The following SSX2IP variants were observed in gnomAD, a reference collection of about 807,000 sequenced individuals.
SSX2IP encodes SSX family member 2 interacting protein, also known as afadin- and alpha-actinin-binding protein.
Under a neutral mutation model 84.9 loss-of-function variants are expected in SSX2IP, and 55 were observed. The observed-to-expected ratio is 0.65, with a 90% CI of 0.52 to 0.81. SSX2IP has a LOEUF of 0.81. Among genes scored for constraint, SSX2IP ranks in the 30% least tolerant of loss-of-function variants. SSX2IP has a pLI of 0.00. For synonymous variants in SSX2IP, 239 were observed against 234.7 expected (o/e 1.02, Z -0.17); for missense variants, 664 against 705.2 (o/e 0.94, Z 0.66).
At position 84,664,427 on chromosome 1, in the gene SSX2IP, A is replaced by G; in HGVS notation, c.663T>C (p.Asp221=). 1 of 1,579,180 alleles carries G rather than the reference A, an allele frequency of 6.3e-7. No individual in the cohort carries two copies. The highest frequency in any genetic ancestry group is 8.6e-7 in the Non-Finnish European group (1 of 1,168,600). The change falls in exon 6 of 14, where the codon GAT becomes GAC. Residue 221 remains aspartate, a synonymous_variant. Transcript: ENST00000342203. ...TTGCCAGCTGTTTACCTATTTTCTT[A>G]TCTTTCTTGTTCATAACAAGTTGAT... ...RLHQLVMNKK[D]KKIAMDILNY... is the part of the protein sequence containing the mutation.
At chr1:84,667,652 C>G (rs1652952510) in intron 4 of SSX2IP, among the ~76,000 whole-genome samples, 1 of 152,118 alleles carries the variant, frequency 6.6e-6, no homozygotes, top group African/African-American at 2.4e-5. Flanking sequence ...CCTCATACCA[C>G]TCTTCATACC....
At position 84,650,063 on chromosome 1, in the gene SSX2IP, C is replaced by G. The variant is rs1411433033; in HGVS notation, c.1670+299G>C. On this transcript the variant is annotated intron_variant, in intron 13 of 13. Coordinates refer to ENST00000342203, the MANE Select transcript of SSX2IP (RefSeq NM_001166293.2). ...ACAATTAAAGTGCTTAAAATATTAA[C>G]TCCTATAATTAAGACTACATTCTAA... is the stretch of plus-strand genomic sequence containing the variant. 8 of 637,356 alleles carry G rather than the reference C, an allele frequency of 1.3e-5. No homozygotes were observed. In the African/African-American group the frequency reaches 1.3e-4, roughly 10 times the overall value. The allele number at this position is 637,356 out of a possible 1,614,324, so 39.5% of individuals were successfully genotyped here.
rs1241039030 is a variant in SSX2IP, at chr1:84,643,807, G to A, written c.*3626C>T. On this transcript the variant is annotated 3_prime_UTR_variant, in exon 14 of 14. Coordinates refer to ENST00000342203, the MANE Select transcript of SSX2IP (RefSeq NM_001166293.2). The stretch of plus-strand genomic sequence containing the variant: ...TGAAGCTCAAATATATGAATGAGGT[G>A]GATCTTTATCAGGAGCTTCATATGT... 1 of 151,954 alleles carries A rather than the reference G, an allele frequency of 6.6e-6. No individual in the cohort carries two copies. Among genetic ancestry groups the A allele is most frequent in the Non-Finnish European group, 1.5e-5 (1 of 67,998 alleles). The allele number at this position is 151,954 out of a possible 1,614,324, so 9.4% of individuals were successfully genotyped here.
chr1:84,651,902 A>G lies in SSX2IP; in HGVS notation c.1485T>C (p.Leu495=), dbSNP rs1244058588. 2 of 1,613,286 alleles carry G rather than the reference A, an allele frequency of 1.2e-6. No individual in the cohort carries two copies. The highest frequency in any genetic ancestry group is 2.7e-5 in the African/African-American group (2 of 75,054). ...FDHQNSENVK[L]FSAFSGSSDW... ...ACTCACTTCCTGAGAAGGCACTGAA[A>G]AGTTTCACATTTTCTGAGTTCTGGT... The change falls in exon 12 of 14, where the codon CTT becomes CTC. Residue 495 remains leucine (L), a synonymous_variant. Coordinates refer to ENST00000342203, the MANE Select transcript of SSX2IP (RefSeq NM_001166293.2).
Position 84,652,359 on chromosome 1 carries a change from G to A in SSX2IP, c.1390-362C>T, listed in dbSNP as rs559811619. Reference sequence around the variant, plus strand: ...GATGGCTAGAGGCTGGGAAGTTGACGCTGAAGTGAGCCGAGATAGCACCAC... The same window carrying A: ...GATGGCTAGAGGCTGGGAAGTTGACACTGAAGTGAGCCGAGATAGCACCAC... On this transcript the variant is annotated intron_variant, in intron 11 of 13. Transcript: ENST00000342203. 8.5e-5 allele frequency: 14 copies of A among 165,268 alleles called. No individual in the cohort carries two copies. The South Asian group carries it at 1.6e-3, about 19-fold the overall frequency. 10.2% of individuals were successfully genotyped at this position (165,268 alleles called of 1,614,324 possible).
At position 84,647,279 on chromosome 1, in the gene SSX2IP, G is replaced by T. The variant is rs1275437217; in HGVS notation, c.*154C>A. 1.3e-5 allele frequency: 7 copies of T among 558,280 alleles called. No individual in the cohort carries two copies. The highest frequency in any genetic ancestry group is 7.2e-5 in the Admixed American group (2 of 27,918). 34.6% of individuals were successfully genotyped at this position (558,280 alleles called of 1,614,324 possible). A position where few individuals can be genotyped will look rare whatever the true frequency, so the allele number is the denominator to read the frequency against. ...TTTATATCCTTTTAAATAGATTTAA[G>T]ATTTCAACTCTTTGGGGGAAGACAG... On this transcript the variant is annotated 3_prime_UTR_variant, in exon 14 of 14. Coordinates refer to ENST00000342203, the MANE Select transcript of SSX2IP (RefSeq NM_001166293.2).
chr1:84,685,880 T>TA (rs1412568441), intron 1 of SSX2IP, among the ~76,000 whole-genome samples: 1 of 152,174 alleles, frequency 6.6e-6, no homozygotes, highest in African/African-American at 2.4e-5. Flanking sequence ...GAGAATAAAA[T>TA]AGATAGGAAA....
intron 1 of SSX2IP, among the ~76,000 whole-genome samples, chr1:84,687,317 G>A (rs1465199371): frequency 6.6e-6 from 1 of 152,182 alleles, no homozygotes; most frequent in Non-Finnish European, 1.5e-5. Flanking sequence ...TTAACTGCTT[G>A]TAGTTTCATT....
chr1:84,650,615 C>T (rs969113068), intron 12 of SSX2IP, 88 bp from the exon 13 acceptor site: 13 of 1,397,686 alleles, frequency 9.3e-6, no homozygotes, highest in South Asian at 2.4e-5. Flanking sequence ...GATTCATCTG[C>T]GGTTCTGAGT....
chr1:84,671,593 T>C (rs1363939568), intron 1 of SSX2IP, among the ~76,000 whole-genome samples: 1 of 152,190 alleles, frequency 6.6e-6, no homozygotes, highest in African/African-American at 2.4e-5. Flanking sequence ...AGGTATAGCA[T>C]TGTACTAAGT....
intron 9 of SSX2IP, 118 bp from the exon 10 acceptor site, chr1:84,656,602 G>T: frequency 2.1e-6 from 2 of 954,616 alleles, no homozygotes; most frequent in Non-Finnish European, 2.8e-6. Flanking sequence ...AATTTTATAG[G>T]TTTTCTAAAA....
chr1:84,653,781 G>C (rs1460224926), intron 11 of SSX2IP, among the ~76,000 whole-genome samples: 1 of 151,878 alleles, frequency 6.6e-6, no homozygotes, highest in African/African-American at 2.4e-5. Context: ...AACTAATATA[G>C]AAAAAAGGTC....
At chr1:84,671,686 CATTTTT>C (rs1446213760) in intron 1 of SSX2IP, among the ~76,000 whole-genome samples, 1 of 152,080 alleles carries the variant, frequency 6.6e-6, no homozygotes, top group Non-Finnish European at 1.5e-5. Flanking sequence ...CCAGCATTTT[CATTTTT>C]GTTTGTTTTT....
chr1:84,677,767 G>A (rs1460084752), intron 1 of SSX2IP, among the ~76,000 whole-genome samples: 2 of 152,108 alleles, frequency 1.3e-5, no homozygotes, highest in African/African-American at 2.4e-5. Flanking sequence ...GACGTCTGAG[G>A]TCAGCAGGAT....
chr1:84,676,963 C>T (rs1454753436), intron 1 of SSX2IP, among the ~76,000 whole-genome samples: 2 of 152,114 alleles, frequency 1.3e-5, no homozygotes, highest in African/African-American at 4.8e-5. Context: ...CATCTGCCCG[C>T]CTCGGACTTC....
At chr1:84,659,658 C>T (rs1006513518) in intron 8 of SSX2IP, among the ~76,000 whole-genome samples, 11 of 151,718 alleles carry the variant, frequency 7.3e-5, no homozygotes, top group Middle Eastern at 3.4e-3. Context: ...ATTAGTTGGG[C>T]GTGGTGGTGC....
chr1:84,655,713 C>T (rs1000372025), intron 11 of SSX2IP, 119 bp downstream of exon 11: 13 of 1,415,604 alleles, frequency 9.2e-6, no homozygotes, highest in Non-Finnish European at 1.1e-5. Context: ...TTTGTGAGAT[C>T]ACCAGTAAAT....
chr1:84,686,228 G>GA (rs973698935), intron 1 of SSX2IP, among the ~76,000 whole-genome samples: 12 of 150,966 alleles, frequency 7.9e-5, no homozygotes, highest in East Asian at 3.9e-4. Context: ...TTTATAATCT[G>GA]AAAAAAAAAT....
intron 1 of SSX2IP, among the ~76,000 whole-genome samples, chr1:84,677,683 A>C (rs902110027): frequency 2.6e-5 from 4 of 152,198 alleles, no homozygotes; most frequent in Non-Finnish European, 4.4e-5. Flanking sequence ...TTGCCCTCTT[A>C]AATCCCTCCT....
Sources: allele counts gnomAD v4.1 joint callset (sites outside exome capture counted in the v4.1 genomes callset), GRCh38; gene constraint gnomAD v4.1.1; transcripts MANE v1.5; gene names NCBI Gene and HGNC (gene_info 2026-07-23, HGNC 2026-07-21).